Variants in CDH10 observed in about 807,000 individuals in gnomAD.
The protein encoded by CDH10 is cadherin 10, also known as cadherin-10.
CDH10 carries 30 observed loss-of-function variants against 73.1 expected under a neutral mutation model. The ratio of observed to expected loss-of-function variants is 0.41; its 90% CI spans 0.31 to 0.56. The LOEUF (loss-of-function observed/expected upper bound fraction) is 0.56, where lower values mean the gene tolerates loss of function less well. Ranked by LOEUF, CDH10 falls within the 20% of genes least tolerant of loss-of-function variation. CDH10 has a pLI of 0.27. For missense variants in CDH10, 815 were observed against 973.7 expected (o/e 0.84, Z 2.17); for synonymous variants, 345 against 348.2 (o/e 0.99, Z 0.10).
At chr5:24,490,477 A>T (rs570701508) in intron 11 of CDH10, among the ~76,000 whole-genome samples, 1 of 152,262 alleles carries the variant, frequency 6.6e-6, no homozygotes, top group Non-Finnish European at 1.5e-5. Flanking sequence ...ACTACATAAA[A>T]ATCTAATCTT....
intron 7 of CDH10, among the ~76,000 whole-genome samples, chr5:24,506,175 C>A (rs1742692908): frequency 6.7e-6 from 1 of 150,328 alleles, no homozygotes; most frequent in South Asian, 2.1e-4. Context: ...TTTAATATAT[C>A]TGTGTTTTTA....
chr5:24,500,337 G>T (rs1007268669), intron 8 of CDH10, among the ~76,000 whole-genome samples: 1 of 152,162 alleles, frequency 6.6e-6, no homozygotes, highest in Non-Finnish European at 1.5e-5. Flanking sequence ...AGACAGAATC[G>T]AAGTGTATTT....
In CDH10 at chr5:24,488,028, G is replaced by C. The variant is rs1741908462; in HGVS notation, c.2002C>G (p.Gln668Glu). The C allele has an allele frequency of 1.9e-6, 3 of 1,613,864 alleles. No individual in the cohort carries two copies. The highest frequency in any genetic ancestry group is 2.5e-6 in the Non-Finnish European group (3 of 1,179,942). Residue 668 changes from glutamine (Q) to glutamate (E), a missense_variant, in exon 12 of 12, where the codon CAG becomes GAG. Around this residue, in one of 3 missense-constraint regions of CDH10, gnomAD observed 241 missense variants for 240.3 expected, o/e 1.00. Coordinates refer to ENST00000264463, the MANE Select transcript of CDH10 (RefSeq NM_006727.5). The stretch of plus-strand genomic sequence containing the variant: ...CTCAGGGTGCCGATATCAAAGGCCT[G>C]GGTGTCCTCCTCTCCACCACCCTCA... The part of the protein sequence containing the change: ...NDEGGGEEDT[Q>E]AFDIGTLRNP...
chr5:24,529,975 A>G (rs561244409), intron 5 of CDH10, among the ~76,000 whole-genome samples: 14 of 147,284 alleles, frequency 9.5e-5, no homozygotes, highest in African/African-American at 3.2e-4. Flanking sequence ...GATGGGATGT[A>G]TGGAAAAGCA....
intron 1 of CDH10, among the ~76,000 whole-genome samples, chr5:24,633,833 C>T (rs907740314): frequency 1.3e-5 from 2 of 151,816 alleles, no homozygotes; most frequent in Non-Finnish European, 3.0e-5. Flanking sequence ...TGTTTCAATG[C>T]TTCCAAGTGC....
intron 1 of CDH10, among the ~76,000 whole-genome samples, chr5:24,619,553 A>G (rs1034655972): frequency 6.6e-6 from 1 of 152,182 alleles, no homozygotes; most frequent in Admixed American, 6.5e-5. Context: ...TGCTGGAACG[A>G]GTTAAGATTT....
intron 1 of CDH10, among the ~76,000 whole-genome samples, chr5:24,627,171 T>C (rs1346052227): frequency 6.6e-6 from 1 of 151,996 alleles, no homozygotes; most frequent in African/African-American, 2.4e-5. Context: ...AAGGATGACA[T>C]GAAGTTCACT....
intron 2 of CDH10, among the ~76,000 whole-genome samples, chr5:24,563,980 A>G (rs1031718977): frequency 2.6e-5 from 4 of 152,126 alleles, no homozygotes; most frequent in Admixed American, 6.5e-5. Context: ...GACAGGTTCC[A>G]TTTATTATTT....
chr5:24,535,897 C>T, intron 3 of CDH10, 75 bp from the exon 4 acceptor site: 1 of 1,116,400 alleles, frequency 9.0e-7, no homozygotes. Context: ...TCATTGAAGA[C>T]TTGAATGATT....
chr5:24,611,237 A>T (rs1384892380), intron 1 of CDH10, among the ~76,000 whole-genome samples: 1 of 152,162 alleles, frequency 6.6e-6, no homozygotes, highest in Non-Finnish European at 1.5e-5. Context: ...AACAATGCTG[A>T]TGAATTAAGT....
chr5:24,576,558 A>G (rs1745607383), intron 2 of CDH10, among the ~76,000 whole-genome samples: 1 of 152,160 alleles, frequency 6.6e-6, no homozygotes, highest in Non-Finnish European at 1.5e-5. Flanking sequence ...ACGATAGGGC[A>G]GAGTTCCCAA....
chr5:24,635,003 A>G (rs994390464), intron 1 of CDH10, among the ~76,000 whole-genome samples: 4 of 62,872 alleles, frequency 6.4e-5, no homozygotes, highest in African/African-American at 1.6e-4. Context: ...GAGCCAAAAA[A>G]GGAAAAAAAA....
intron 2 of CDH10, among the ~76,000 whole-genome samples, chr5:24,549,063 T>C (rs1037106778): frequency 1.3e-5 from 2 of 152,010 alleles, no homozygotes; most frequent in African/African-American, 4.8e-5. Flanking sequence ...TTACAGCAAA[T>C]TGGATACAGA....
intron 8 of CDH10, among the ~76,000 whole-genome samples, chr5:24,504,252 A>T (rs1177002691): frequency 1.3e-5 from 2 of 152,126 alleles, no homozygotes; most frequent in East Asian, 3.9e-4. Flanking sequence ...TCTCTATACC[A>T]GAAGAAAAGT....
intron 1 of CDH10, among the ~76,000 whole-genome samples, chr5:24,634,419 GTAAAATGTGTGTAATATTAATAGAA>G (rs1009137625): frequency 1.3e-5 from 2 of 151,622 alleles, no homozygotes; most frequent in Admixed American, 1.3e-4. Flanking sequence ...TATACTAAAT[GTAAAATGTGTGTAATATTAATAGAA>G]TATTTTAAAT....
chr5:24,494,459 C>T (rs1222400853), intron 9 of CDH10, among the ~76,000 whole-genome samples: 1 of 151,666 alleles, frequency 6.6e-6, no homozygotes, highest in African/African-American at 2.4e-5. Flanking sequence ...TACTAGAAAT[C>T]CTTAGTCATT....
intron 1 of CDH10, among the ~76,000 whole-genome samples, chr5:24,641,826 T>C (rs1031265254): frequency 1.3e-5 from 2 of 152,100 alleles, no homozygotes; most frequent in African/African-American, 4.8e-5. Flanking sequence ...GTTGTCTCTT[T>C]TGAAACCCTA....
Position 24,596,940 on chromosome 5 carries a change from T to C in CDH10, c.-123-3327A>G, listed in dbSNP as rs938612159. ...GGGAGCTGTTGTGCTTGCTTGAAATTATTAACAGAATTATAATGAAAAGGA... is the reference window on the plus strand; with the variant it reads ...GGGAGCTGTTGTGCTTGCTTGAAATCATTAACAGAATTATAATGAAAAGGA... On this transcript the variant is annotated intron_variant, in intron 1 of 11. Coordinates refer to ENST00000264463, the MANE Select transcript of CDH10 (RefSeq NM_006727.5). Among the ~76,000 whole-genome samples, 12 of 152,044 alleles carry C rather than the reference T, an allele frequency of 7.9e-5. 2 individuals carry two copies. The highest frequency in any genetic ancestry group is 2.4e-4 in the African/African-American group (10 of 41,478).
chr5:24,609,178 A>T (rs904636317), intron 1 of CDH10, among the ~76,000 whole-genome samples: 1 of 152,208 alleles, frequency 6.6e-6, no homozygotes, highest in African/African-American at 2.4e-5. Flanking sequence ...GAAGGGGGAA[A>T]CCATTACGGA....
Sources: allele counts gnomAD v4.1 joint callset (sites outside exome capture counted in the v4.1 genomes callset), GRCh38; gene constraint gnomAD v4.1.1; regional missense constraint gnomAD v4.1.1; transcripts MANE v1.5; gene names NCBI Gene and HGNC (gene_info 2026-07-23, HGNC 2026-07-21).